DOCK7: variants seen among roughly 807,000 people sequenced by gnomAD.
DOCK7 encodes the protein dedicator of cytokinesis 7, also known as dedicator of cytokinesis protein 7.
In DOCK7, 138 loss-of-function variants were observed where a neutral mutation model predicts 271.0. The ratio of observed to expected loss-of-function variants is 0.51; its 90% CI spans 0.44 to 0.59. The LOEUF (loss-of-function observed/expected upper bound fraction) is 0.59. DOCK7 is among the 20% of genes least tolerant of loss of function. The pLI, the probability that DOCK7 is intolerant of heterozygous loss-of-function variation, is 0.00. For missense variants in DOCK7, 2,066 were observed against 2,592.4 expected (o/e 0.80, Z 4.41); for synonymous variants, 823 against 876.1 (o/e 0.94, Z 1.07).
intron 41 of DOCK7, among the ~76,000 whole-genome samples, chr1:62,490,159 C>T (rs1208685578): frequency 6.7e-6 from 1 of 149,244 alleles, no homozygotes; most frequent in Non-Finnish European, 1.5e-5. Flanking sequence ...CAGCCTTGAA[C>T]TCCTGGTCTC....
chr1:62,487,718 C>T (rs901876301), intron 42 of DOCK7: 2 of 256,058 alleles, frequency 7.8e-6, no homozygotes, highest in Non-Finnish European at 1.5e-5. Flanking sequence ...CTGCACTTCA[C>T]CAAGTATCCA....
chr1:62,463,710 A>C (rs893969944), intron 48 of DOCK7, among the ~76,000 whole-genome samples: 4 of 152,266 alleles, frequency 2.6e-5, no homozygotes, highest in African/African-American at 9.6e-5. Flanking sequence ...TTAAAGTTAA[A>C]AAAATGCAAA....
chr1:62,662,572 C>T (rs185645630), intron 2 of DOCK7, among the ~76,000 whole-genome samples: 48 of 152,128 alleles, frequency 3.2e-4, no homozygotes, highest in African/African-American at 1.1e-3. Flanking sequence ...ACCAGCCTGG[C>T]CAATATGGTA....
chr1:62,601,029 CT>C, intron 14 of DOCK7: 1 of 1,048,172 alleles, frequency 9.5e-7, no homozygotes, highest in Non-Finnish European at 1.5e-6. Flanking sequence ...CAGATTTCCC[CT>C]AATTGTATAT....
intron 14 of DOCK7, among the ~76,000 whole-genome samples, chr1:62,613,518 C>T (rs1571771810): frequency 1.3e-5 from 2 of 152,180 alleles, no homozygotes; most frequent in East Asian, 3.9e-4. Flanking sequence ...TTTAAGAAGA[C>T]TCAACATCTT....
chr1:62,624,536 G>A (rs950237167), intron 12 of DOCK7, among the ~76,000 whole-genome samples: 6 of 152,138 alleles, frequency 3.9e-5, no homozygotes, highest in African/African-American at 1.4e-4. Context: ...CACTCCTAGG[G>A]CCTGAAAGTT....
At chr1:62,475,457 T>C in intron 46 of DOCK7, 106 bp from the exon 47 acceptor site, 2 of 1,353,450 alleles carry the variant, frequency 1.5e-6, no homozygotes, top group South Asian at 3.1e-5. Flanking sequence ...AATTGTAAAC[T>C]TTCATGTAAC....
rs1370036768 is a variant in DOCK7 at position 62,603,005 on chromosome 1, AAGT to A, written c.1682+15698_1682+15700del. 2.0e-5 allele frequency among the ~76,000 whole-genome samples: 3 copies of A among 151,850 alleles called. No individual in the cohort carries two copies. The East Asian group carries it at 5.8e-4, about 29-fold the overall frequency. ...AATGATGTCTAAGTACTCACTTATA[AAGT>A]AGAAGACATTCATTATTATATCAAA... On this transcript the variant is annotated intron_variant, in intron 14 of 49. Transcript: ENST00000635253.
intron 6 of DOCK7, 119 bp from the exon 7 acceptor site, chr1:62,647,895 G>T: frequency 1.1e-6 from 1 of 869,712 alleles, no homozygotes. Context: ...ACATAGAGAA[G>T]AATGACCTAT....
intron 31 of DOCK7, among the ~76,000 whole-genome samples, chr1:62,521,398 T>C (rs1384736286): frequency 6.6e-6 from 1 of 151,954 alleles, no homozygotes; most frequent in Non-Finnish European, 1.5e-5. Flanking sequence ...AAAAAGAACA[T>C]GAATGTAAAC....
intron 7 of DOCK7, among the ~76,000 whole-genome samples, chr1:62,646,531 G>T (rs1367115930): frequency 6.6e-6 from 1 of 152,142 alleles, no homozygotes; most frequent in Admixed American, 6.5e-5. Flanking sequence ...ATCCTTATAA[G>T]AAGAGGAAGA....
chr1:62,652,530 A>T (rs1657515195), intron 4 of DOCK7, among the ~76,000 whole-genome samples: 1 of 152,142 alleles, frequency 6.6e-6, no homozygotes, highest in Non-Finnish European at 1.5e-5. Context: ...TTAAAACCTT[A>T]AATGAGATGA....
At chr1:62,491,812 G>A (rs779220915) in intron 41 of DOCK7, among the ~76,000 whole-genome samples, 24 of 151,944 alleles carry the variant, frequency 1.6e-4, no homozygotes, top group Non-Finnish European at 2.2e-4. Flanking sequence ...GTTTTGCTAC[G>A]TTTTTTAACT....
In DOCK7 at chr1:62,508,043, A is replaced by T. The variant is rs1557642831; in HGVS notation, c.4395T>A (p.Ile1465=). 1 of 1,610,624 alleles carries T rather than the reference A, an allele frequency of 6.2e-7. No homozygotes were observed. The highest frequency in any genetic ancestry group is 8.5e-7 in the Non-Finnish European group (1 of 1,179,204). Residue 1465 remains isoleucine (I), a synonymous_variant, in exon 35 of 50, where the codon ATT becomes ATA. Coordinates refer to ENST00000635253, the MANE Select transcript of DOCK7 (RefSeq NM_001367561.1). ...TTCCATCAATCAGTGCTTCGTGTTCAATCTCTGCTCTTGATCTAATACAAA... is the reference window on the plus strand; with the variant it reads ...TTCCATCAATCAGTGCTTCGTGTTCTATCTCTGCTCTTGATCTAATACAAA... ...TEKLDKSRAE[I]EHEALIDGNL...
intron 14 of DOCK7, among the ~76,000 whole-genome samples, chr1:62,610,993 G>C (rs1571762521): frequency 6.6e-6 from 1 of 152,088 alleles, no homozygotes. Context: ...GGATTACTGG[G>C]TCAAATGGTA....
intron 48 of DOCK7, among the ~76,000 whole-genome samples, chr1:62,466,142 G>A (rs1371610549): frequency 1.3e-5 from 2 of 152,056 alleles, no homozygotes; most frequent in Admixed American, 6.6e-5. Flanking sequence ...GCTCCCAGAT[G>A]CCAATACAAA....
At chr1:62,683,703 G>A (rs1479112923) in intron 1 of DOCK7, among the ~76,000 whole-genome samples, 1 of 152,142 alleles carries the variant, frequency 6.6e-6, no homozygotes, top group Non-Finnish European at 1.5e-5. Context: ...GGGAGGCCGA[G>A]GTGGGCAGAT....
At chr1:62,505,345 G>A (rs980782337) in intron 36 of DOCK7, among the ~76,000 whole-genome samples, 1 of 151,994 alleles carries the variant, frequency 6.6e-6, no homozygotes, top group African/African-American at 2.4e-5. Flanking sequence ...TTTATAAATT[G>A]AGTTTTTTAT....
intron 25 of DOCK7, 139 bp downstream of exon 25, chr1:62,542,469 C>T (rs555553682): frequency 1.4e-6 from 1 of 690,764 alleles, no homozygotes; most frequent in South Asian, 2.2e-5. Flanking sequence ...AGATGTAACA[C>T]ATGTAATTTT....
Sources: gnomAD v4.1 joint callset for allele counts (sites outside exome capture counted in the v4.1 genomes callset) on GRCh38, gnomAD v4.1.1 for gene constraint, MANE v1.5 for transcripts, NCBI Gene and HGNC (gene_info 2026-07-23, HGNC 2026-07-21) for gene names.